The following ADAMTSL3 variants were observed in gnomAD, a reference collection of about 807,000 sequenced individuals.
ADAMTSL3 encodes ADAMTS like 3.
A neutral mutation model predicts 201.7 loss-of-function variants in ADAMTSL3; 128 were observed. The ratio of observed to expected loss-of-function variants is 0.63; its 90% CI spans 0.55 to 0.73. The LOEUF (loss-of-function observed/expected upper bound fraction) is 0.73. Among genes scored for constraint, ADAMTSL3 ranks in the 30% least tolerant of loss-of-function variants. The pLI is 0.00. For synonymous variants in ADAMTSL3, 738 were observed against 748.4 expected (o/e 0.99, Z 0.23); for missense variants, 1,990 against 2,119.6 (o/e 0.94, Z 1.20).
chr15:84,021,657 T>G, intron 26 of ADAMTSL3, 64 bp downstream of exon 26: 2 of 1,552,858 alleles, frequency 1.3e-6, no homozygotes, highest in South Asian at 2.4e-5. Context: ...AAAGGTGCAG[T>G]GATTTGGACA....
intron 23 of ADAMTSL3, among the ~76,000 whole-genome samples, chr15:84,005,997 A>C (rs1276340619): frequency 1.3e-5 from 2 of 152,240 alleles, no homozygotes; most frequent in Non-Finnish European, 2.9e-5. Context: ...TCCAAAAAGC[A>C]TACATAACGT....
Position 84,036,932 on chromosome 15 carries a change from T to C in ADAMTSL3, c.4914T>C (p.Cys1638=). The change falls in exon 29 of 30, where the codon TGT becomes TGC. Residue 1638 remains cysteine (C), a synonymous_variant. Transcript: ENST00000286744. ...RSCKPVAKRH[C]VQKKKPISWR... ...GCAAACCTGTGGCCAAGAGACACTG[T>C]GTACAGAAAAAGAAACCAATTTCCT... 2 of 1,614,112 alleles carry C rather than the reference T, an allele frequency of 1.2e-6. No individual in the cohort carries two copies. The highest frequency in any genetic ancestry group is 1.7e-6 in the Non-Finnish European group (2 of 1,180,002).
At chr15:83,891,470 T>G in intron 12 of ADAMTSL3, 91 bp downstream of exon 12, 1 of 1,074,786 alleles carries the variant, frequency 9.3e-7, no homozygotes, top group Non-Finnish European at 1.4e-6. Flanking sequence ...TGTATGAGGG[T>G]TAGATATTAA....
At chr15:83,723,889 G>A (rs1215685502) in intron 3 of ADAMTSL3, among the ~76,000 whole-genome samples, 1 of 151,682 alleles carries the variant, frequency 6.6e-6, no homozygotes, top group Non-Finnish European at 1.5e-5. Context: ...TCTAAATACT[G>A]ATGAAGAAGC....
At chr15:84,007,252 C>T (rs1308673237) in intron 23 of ADAMTSL3, among the ~76,000 whole-genome samples, 4 of 152,106 alleles carry the variant, frequency 2.6e-5, no homozygotes, top group Non-Finnish European at 4.4e-5. Flanking sequence ...CCCATGGTCA[C>T]GTGGAACAGA....
intron 3 of ADAMTSL3, among the ~76,000 whole-genome samples, chr15:83,767,179 G>T (rs1215995357): frequency 1.3e-5 from 2 of 152,180 alleles, no homozygotes; most frequent in Non-Finnish European, 2.9e-5. Flanking sequence ...AAATGGGGAT[G>T]GTGATATCTA....
At chr15:83,873,548 A>G (rs2065120264) in intron 9 of ADAMTSL3, among the ~76,000 whole-genome samples, 1 of 143,858 alleles carries the variant, frequency 7.0e-6, no homozygotes, top group African/African-American at 2.7e-5. Flanking sequence ...CCACCTAATT[A>G]TTAATTTTTT....
At chr15:83,941,206 T>G (rs530570191) in intron 17 of ADAMTSL3, among the ~76,000 whole-genome samples, 16 of 152,124 alleles carry the variant, frequency 1.1e-4, no homozygotes, top group African/African-American at 3.4e-4. Flanking sequence ...AATAAAACTT[T>G]TATTCTTTTG....
chr15:83,912,965 A>G, intron 15 of ADAMTSL3, 127 bp from the exon 16 acceptor site: 1 of 974,262 alleles, frequency 1.0e-6, no homozygotes. Context: ...TAAAATTCCA[A>G]ATGTGTGGAA....
chr15:83,688,777 C>CACACACACACAT (rs1324777268), intron 2 of ADAMTSL3, among the ~76,000 whole-genome samples: 2 of 151,616 alleles, frequency 1.3e-5, no homozygotes, highest in African/African-American at 4.8e-5. Context: ...CACACACACA[C>CACACACACACAT]ACACATACAC....
At chr15:83,892,947 A>C in intron 13 of ADAMTSL3, 59 bp downstream of exon 13, 1 of 1,510,426 alleles carries the variant, frequency 6.6e-7, no homozygotes, top group Middle Eastern at 2.2e-4. Context: ...GATATTTTCT[A>C]TATGCCCACC....
intron 3 of ADAMTSL3, among the ~76,000 whole-genome samples, chr15:83,757,262 T>C (rs2062736697): frequency 6.6e-6 from 1 of 152,242 alleles, no homozygotes; most frequent in Non-Finnish European, 1.5e-5. Context: ...TGCATGGACA[T>C]CCAGGTATTT....
At position 83,740,176 on chromosome 15, in the gene ADAMTSL3, G is replaced by T. The variant is rs147428941; in HGVS notation, c.190-33347G>T. On this transcript the variant is annotated intron_variant, in intron 3 of 29. Coordinates refer to ENST00000286744, the MANE Select transcript of ADAMTSL3 (RefSeq NM_207517.3). ...TGCAAGCTGGCTGACCAGTGCACAGGGCTTTAGGGTTTCTTGATTTTCCAC... is the reference window on the plus strand; with the variant it reads ...TGCAAGCTGGCTGACCAGTGCACAGTGCTTTAGGGTTTCTTGATTTTCCAC... 1.7e-5 allele frequency: 4 copies of T among 228,784 alleles called. No individual in the cohort carries two copies. The East Asian group carries it at 4.0e-4, about 23-fold the overall frequency. The allele number at this position is 228,784 out of a possible 1,614,324, so 14.2% of individuals were successfully genotyped here.
At chr15:83,898,230 A>G (rs1039811220) in intron 14 of ADAMTSL3, among the ~76,000 whole-genome samples, 15 of 152,162 alleles carry the variant, frequency 9.9e-5, no homozygotes, top group African/African-American at 3.6e-4. Context: ...AGTAGCTCCT[A>G]TCTATCTAGT....
intron 6 of ADAMTSL3, chr15:83,824,776 A>G (rs184373971): frequency 6.6e-6 from 1 of 152,210 alleles, no homozygotes; most frequent in African/African-American, 2.4e-5. Flanking sequence ...GTAATAATAT[A>G]TTATACATTT....
chr15:83,773,308 T>G (rs1202304045), intron 3 of ADAMTSL3, among the ~76,000 whole-genome samples: 1 of 151,998 alleles, frequency 6.6e-6, no homozygotes, highest in Non-Finnish European at 1.5e-5. Flanking sequence ...CTCAGGAGGC[T>G]GAGGCAGGAG....
chr15:83,714,216 T>C (rs1057176429), intron 3 of ADAMTSL3, among the ~76,000 whole-genome samples: 1 of 152,168 alleles, frequency 6.6e-6, no homozygotes, highest in Non-Finnish European at 1.5e-5. Flanking sequence ...TGGACTTTAA[T>C]GTCCACTCTT....
At chr15:83,760,363 A>G (rs2062788530) in intron 3 of ADAMTSL3, among the ~76,000 whole-genome samples, 1 of 152,098 alleles carries the variant, frequency 6.6e-6, no homozygotes, top group African/African-American at 2.4e-5. Context: ...CAGAGAAAAA[A>G]CTTGTATTAT....
At chr15:83,951,017 T>C (rs916623504) in intron 19 of ADAMTSL3, among the ~76,000 whole-genome samples, 1 of 150,662 alleles carries the variant, frequency 6.6e-6, no homozygotes, top group Non-Finnish European at 1.5e-5. Context: ...TTTTTTTTTT[T>C]CACCTGATTC....
Sources: allele counts gnomAD v4.1 joint callset (sites outside exome capture counted in the v4.1 genomes callset), GRCh38; gene constraint gnomAD v4.1.1; transcripts MANE v1.5; gene names NCBI Gene and HGNC (gene_info 2026-07-23, HGNC 2026-07-21).